The following SPAG16 variants were observed in gnomAD, a reference collection of about 807,000 sequenced individuals.
The protein encoded by SPAG16 is sperm associated antigen 16, also known as sperm-associated antigen 16 protein.
SPAG16 carries 86 observed loss-of-function variants against 80.4 expected under a neutral mutation model. The ratio of observed to expected loss-of-function variants is 1.07; its 90% CI spans 0.90 to 1.28. SPAG16 has a LOEUF of 1.28. Ranked by LOEUF, SPAG16 falls within the 50% of genes most tolerant of loss-of-function variation. The pLI is 0.00. For synonymous variants in SPAG16, 294 were observed against 265.9 expected, an observed-to-expected ratio of 1.11 and a Z score of -1.03; for missense variants, 870 against 765.3, an observed-to-expected ratio of 1.14 and a Z score of -1.61.
At chr2:213,400,529 A>G (rs971223318) in intron 9 of SPAG16, among the ~76,000 whole-genome samples, 3 of 152,162 alleles carry the variant, frequency 2.0e-5, no homozygotes, top group Non-Finnish European at 4.4e-5. Context: ...TATGAAACCA[A>G]TTCTTGAAAT....
intron 10 of SPAG16, among the ~76,000 whole-genome samples, chr2:213,679,897 A>C (rs190254755): frequency 5.3e-5 from 8 of 152,272 alleles, no homozygotes; most frequent in African/African-American, 1.9e-4. Flanking sequence ...GGGATTTAAT[A>C]ATCTATTCAC....
At chr2:214,212,115 A>G (rs1258737157) in intron 15 of SPAG16, among the ~76,000 whole-genome samples, 1 of 152,140 alleles carries the variant, frequency 6.6e-6, no homozygotes, top group Non-Finnish European at 1.5e-5. Flanking sequence ...CATTACATTT[A>G]TTATAGAACA....
intron 10 of SPAG16, among the ~76,000 whole-genome samples, chr2:213,682,634 G>A (rs79539084): frequency 0.049 from 7,424 of 152,108 alleles, 589 homozygotes; most frequent in African/African-American, 0.17. Flanking sequence ...TTGTGGGGTC[G>A]GCATGTCTCT....
chr2:213,567,323 C>G (rs577851593), intron 10 of SPAG16, among the ~76,000 whole-genome samples: 1 of 132,780 alleles, frequency 7.5e-6, no homozygotes, highest in South Asian at 2.6e-4. Context: ...TGCTGGTGCG[C>G]TGCACCCACT....
rs549793351 is a variant in SPAG16 at position 213,535,974 on chromosome 2, T to G, written c.1070+45884T>G. ...ACATTTTAAGAAATTTTAAAGGAAA[T>G]TTACAATTAAATGTTAAAGGAAATT... On this transcript the variant is annotated intron_variant, in intron 10 of 15. Transcript: ENST00000331683. Among the ~76,000 whole-genome samples, 3 of 152,282 alleles carry G rather than the reference T, an allele frequency of 2.0e-5. No individual in the cohort carries two copies. The East Asian group carries it at 5.8e-4, about 29-fold the overall frequency.
At position 213,485,730 on chromosome 2, in the gene SPAG16, T is replaced by C. The variant is rs569751460; in HGVS notation, c.943-4233T>C. ...ATAATTTTTCACTTCCACTTAAAAA[T>C]TGTTTGGGGCAATTCCTGTGAATGT... On this transcript the variant is annotated intron_variant, in intron 9 of 15. Coordinates refer to ENST00000331683, the MANE Select transcript of SPAG16 (RefSeq NM_024532.5). Among the ~76,000 whole-genome samples, 16 of 152,226 alleles carry C rather than the reference T, an allele frequency of 1.1e-4. No individual in the cohort carries two copies. The East Asian group carries it at 3.1e-3, about 29-fold the overall frequency.
intron 15 of SPAG16, among the ~76,000 whole-genome samples, chr2:214,195,618 T>G (rs896286323): frequency 1.3e-5 from 2 of 151,970 alleles, no homozygotes; most frequent in Non-Finnish European, 2.9e-5. Context: ...GGCAAGTGAC[T>G]TGACCCCCTT....
At chr2:214,230,006 A>T (rs556376017) in intron 15 of SPAG16, among the ~76,000 whole-genome samples, 16 of 152,072 alleles carry the variant, frequency 1.1e-4, no homozygotes, top group Admixed American at 1.1e-3. Context: ...GTGAAAAAAT[A>T]AACAGGCAAA....
intron 11 of SPAG16, among the ~76,000 whole-genome samples, chr2:213,864,155 GACCACAA>G (rs1361414694): frequency 2.0e-5 from 3 of 151,972 alleles, no homozygotes; most frequent in African/African-American, 7.2e-5. Flanking sequence ...TTATATCTCA[GACCACAA>G]ACATTTTATA....
chr2:213,359,547 G>A (rs2065860072), intron 7 of SPAG16, among the ~76,000 whole-genome samples: 1 of 152,216 alleles, frequency 6.6e-6, no homozygotes, highest in Non-Finnish European at 1.5e-5. Context: ...TGCTAGCAGT[G>A]AGCAAGGCTC....
intron 10 of SPAG16, among the ~76,000 whole-genome samples, chr2:213,639,847 T>C (rs909709233): frequency 8.5e-5 from 13 of 152,230 alleles, no homozygotes; most frequent in African/African-American, 3.1e-4. Context: ...TCCAAACTTT[T>C]AGATTTCTCT....
At position 213,489,960 on chromosome 2, in the gene SPAG16, T is replaced by C. The variant is rs1425088393; in HGVS notation, c.943-3T>C. On this transcript the variant is annotated splice_polypyrimidine_tract_variant and splice_region_variant and intron_variant, in intron 9 of 15. Coordinates refer to ENST00000331683, the MANE Select transcript of SPAG16 (RefSeq NM_024532.5). ...AGAGCTCTTGTTTAATTTTTTTCTC[T>C]AGGATTCAGAATTTCCCATAGATAT... 1 of 1,597,300 alleles carries C rather than the reference T, an allele frequency of 6.3e-7. No individual in the cohort carries two copies. The highest frequency in any genetic ancestry group is 8.5e-7 in the Non-Finnish European group (1 of 1,173,782).
intron 10 of SPAG16, among the ~76,000 whole-genome samples, chr2:213,741,764 C>T (rs1654738449): frequency 6.6e-6 from 1 of 152,020 alleles, no homozygotes; most frequent in African/African-American, 2.4e-5. Context: ...GTAAATTCAG[C>T]TTTATAAATT....
At chr2:213,868,320 AT>A (rs2075790177) in intron 11 of SPAG16, among the ~76,000 whole-genome samples, 1 of 146,002 alleles carries the variant, frequency 6.8e-6, no homozygotes, top group Non-Finnish European at 1.5e-5. Context: ...CATCAACAGA[AT>A]TCCATTTTAA....
intron 10 of SPAG16, among the ~76,000 whole-genome samples, chr2:213,616,057 G>T (rs1169296134): frequency 6.6e-6 from 1 of 152,086 alleles, no homozygotes; most frequent in Non-Finnish European, 1.5e-5. Context: ...CTTAAAGTAT[G>T]ATAATAATAA....
rs552619125 is a variant in SPAG16 at position 213,407,824 on chromosome 2, GAGGC to G, written c.942+32708_942+32711del. Among the ~76,000 whole-genome samples the G allele has an allele frequency of 1.5e-3, 183 of 123,608 alleles. 1 individual carries two copies. The highest frequency in any genetic ancestry group is 4.6e-3 in the African/African-American group (156 of 33,632). The allele number at this position is 123,608 out of a possible 152,430, so 81.1% of individuals were successfully genotyped here. On this transcript the variant is annotated intron_variant, in intron 9 of 15. Transcript: ENST00000331683. ...GAGAGGCAGAGAGAGAGAGAGGAGA[GAGGC>G]AGAGAGAGAGAGACAGGAGAGAGGC... is the stretch of plus-strand genomic sequence containing the variant.
intron 15 of SPAG16, among the ~76,000 whole-genome samples, chr2:214,381,694 ACAT>A (rs1176398815): frequency 6.6e-6 from 1 of 152,196 alleles, no homozygotes; most frequent in Non-Finnish European, 1.5e-5. Flanking sequence ...GTCCAGGGAG[ACAT>A]TGGTGACTAC....
chr2:213,309,574 A>G (rs11678617), intron 3 of SPAG16, among the ~76,000 whole-genome samples: 33,013 of 151,982 alleles, frequency 0.22, 4,423 homozygotes, highest in Non-Finnish European at 0.31. Context: ...AGACAATCCA[A>G]TCACACTCCT....
chr2:213,289,759 A>G (rs2062195610), intron 1 of SPAG16, among the ~76,000 whole-genome samples: 1 of 152,242 alleles, frequency 6.6e-6, no homozygotes, highest in Non-Finnish European at 1.5e-5. Flanking sequence ...AAGGATTACA[A>G]AATGATTTCT....
Sources: allele counts gnomAD v4.1 joint callset (sites outside exome capture counted in the v4.1 genomes callset), GRCh38; gene constraint gnomAD v4.1.1; transcripts MANE v1.5; gene names NCBI Gene and HGNC (gene_info 2026-07-23, HGNC 2026-07-21).